NDST3: variants seen among roughly 807,000 people sequenced by gnomAD.
NDST3 encodes N-deacetylase and N-sulfotransferase 3.
A neutral mutation model predicts 96.1 loss-of-function variants in NDST3; 58 were observed. The observed-to-expected ratio is 0.60, with a 90% confidence interval of 0.49 to 0.75. NDST3 has a LOEUF of 0.75. Ranked by LOEUF, NDST3 falls within the 30% of genes least tolerant of loss-of-function variation. NDST3 has a pLI of 0.00. For synonymous variants in NDST3, 333 were observed against 359.7 expected (o/e 0.93, Z 0.84); for missense variants, 788 against 1,034.2 (o/e 0.76, Z 3.27).
intron 1 of NDST3, among the ~76,000 whole-genome samples, chr4:118,049,608 A>G (rs1724961653): frequency 6.6e-6 from 1 of 151,912 alleles, no homozygotes; most frequent in Admixed American, 6.6e-5. Flanking sequence ...TACTCACATG[A>G]ATTAGAAAAT....
intron 1 of NDST3, among the ~76,000 whole-genome samples, chr4:118,043,747 G>C (rs189970524): frequency 1.7e-3 from 265 of 152,332 alleles, no homozygotes; most frequent in Non-Finnish European, 3.3e-3. Flanking sequence ...GGAAGTAGCT[G>C]TCCTTGGATG....
chr4:118,111,142 A>G (rs374081419), intron 3 of NDST3, among the ~76,000 whole-genome samples: 1 of 152,270 alleles, frequency 6.6e-6, no homozygotes, highest in South Asian at 2.1e-4. Flanking sequence ...AGAGATGGCA[A>G]CAGTAGACAC....
At chr4:118,090,399 C>T (rs1728768882) in intron 2 of NDST3, among the ~76,000 whole-genome samples, 1 of 151,974 alleles carries the variant, frequency 6.6e-6, no homozygotes, top group South Asian at 2.1e-4. Context: ...TGGATTGCCC[C>T]ATCCTATCAA....
chr4:118,059,983 T>G (rs1337019989), intron 2 of NDST3, among the ~76,000 whole-genome samples: 1 of 152,154 alleles, frequency 6.6e-6, no homozygotes, highest in Non-Finnish European at 1.5e-5. Context: ...ATCCCATTAC[T>G]TCAAATTTGC....
chr4:118,061,985 T>G (rs1247008437), intron 2 of NDST3, among the ~76,000 whole-genome samples: 1 of 152,136 alleles, frequency 6.6e-6, no homozygotes, highest in Non-Finnish European at 1.5e-5. Flanking sequence ...CTGGATTGGT[T>G]ACAGGTTAGT....
At chr4:118,178,866 T>C (rs1377435615) in intron 6 of NDST3, among the ~76,000 whole-genome samples, 1 of 152,072 alleles carries the variant, frequency 6.6e-6, no homozygotes, top group African/African-American at 2.4e-5. Context: ...GCTTTGATAC[T>C]AGCTATCCTA....
chr4:118,130,152 T>A (rs1196949471), intron 4 of NDST3, among the ~76,000 whole-genome samples: 3 of 152,124 alleles, frequency 2.0e-5, no homozygotes, highest in Non-Finnish European at 4.4e-5. Flanking sequence ...CCACTCTGTG[T>A]CTTTTGATCA....
At chr4:118,224,405 G>A in intron 6 of NDST3, 86 bp from the exon 7 acceptor site, 1 of 1,298,542 alleles carries the variant, frequency 7.7e-7, no homozygotes, top group Non-Finnish European at 1.0e-6. Context: ...ACTACTTAAG[G>A]AAAAAAACTA....
intron 2 of NDST3, among the ~76,000 whole-genome samples, chr4:118,071,045 G>A (rs1727026618): frequency 6.6e-6 from 1 of 151,974 alleles, no homozygotes; most frequent in African/African-American, 2.4e-5. Flanking sequence ...CCCTAGAAAG[G>A]ACATGAACTT....
intron 6 of NDST3, among the ~76,000 whole-genome samples, chr4:118,223,738 C>A (rs1237217467): frequency 6.6e-6 from 1 of 151,934 alleles, no homozygotes; most frequent in Non-Finnish European, 1.5e-5. Context: ...TTATAGTAAA[C>A]CATTGTTACT....
intron 13 of NDST3, 33 bp from the exon 14 acceptor site, chr4:118,255,560 A>G: frequency 2.5e-6 from 4 of 1,579,952 alleles, no homozygotes; most frequent in Non-Finnish European, 3.4e-6. Context: ...TAAACAAAAT[A>G]AAATGTACTT....
intron 2 of NDST3, among the ~76,000 whole-genome samples, chr4:118,081,618 T>C (rs1370367224): frequency 1.3e-5 from 2 of 152,136 alleles, no homozygotes; most frequent in African/African-American, 4.8e-5. Context: ...GCAAAGGCTG[T>C]TATGGGCTCA....
intron 2 of NDST3, among the ~76,000 whole-genome samples, chr4:118,084,917 G>A (rs1578606650): frequency 2.6e-5 from 4 of 152,172 alleles, no homozygotes; most frequent in East Asian, 1.9e-4. Flanking sequence ...TCACGAGATC[G>A]AGACCATCCT....
rs1228743483 is a variant in NDST3, at chr4:118,182,077, A to G, written c.1539+38393A>G. Among the ~76,000 whole-genome samples, 4 of 152,168 alleles carry G rather than the reference A, an allele frequency of 2.6e-5. No individual in the cohort carries two copies. The East Asian group carries it at 7.7e-4, about 29-fold the overall frequency. On this transcript the variant is annotated intron_variant, in intron 6 of 13. Transcript: ENST00000296499. ...AGAAAAAGATTCAGACAATGCTTTGAGAGCTGGCAATAGTAGGTATGCTAG... is the reference window on the plus strand; with the variant it reads ...AGAAAAAGATTCAGACAATGCTTTGGGAGCTGGCAATAGTAGGTATGCTAG...
chr4:118,197,854 C>T lies in NDST3; in HGVS notation c.1540-26637C>T, dbSNP rs185305550. On this transcript the variant is annotated intron_variant, in intron 6 of 13. Coordinates refer to ENST00000296499, the MANE Select transcript of NDST3 (RefSeq NM_004784.3). ...CTCACTCTGTCACCAGGCTGGAGTA[C>T]GGTGGCACGATCTCGGCTTGCTGCA... Among the ~76,000 whole-genome samples, 716 of 144,226 alleles carry T rather than the reference C, an allele frequency of 5.0e-3. 5 individuals carry two copies. The highest frequency in any genetic ancestry group is 0.017 in the African/African-American group (676 of 38,926). 94.6% of individuals were successfully genotyped at this position (144,226 alleles called of 152,430 possible).
chr4:118,144,172 T>C (rs541327265), intron 6 of NDST3, among the ~76,000 whole-genome samples: 14 of 152,030 alleles, frequency 9.2e-5, no homozygotes, highest in Admixed American at 6.5e-4. Context: ...AGAGCAGGCC[T>C]ATTTAATGGG....
intron 1 of NDST3, among the ~76,000 whole-genome samples, chr4:118,038,200 T>C (rs1365847046): frequency 6.6e-6 from 1 of 152,164 alleles, no homozygotes; most frequent in Non-Finnish European, 1.5e-5. Context: ...TGTCAGCGTA[T>C]TTTGATGCAT....
At chr4:118,051,184 C>G (rs188327483) in intron 1 of NDST3, among the ~76,000 whole-genome samples, 15 of 152,266 alleles carry the variant, frequency 9.9e-5, no homozygotes, top group African/African-American at 3.1e-4. Context: ...AAGAATGAAA[C>G]TGGACCCTTA....
At chr4:118,221,026 T>C (rs943095205) in intron 6 of NDST3, among the ~76,000 whole-genome samples, 2 of 151,970 alleles carry the variant, frequency 1.3e-5, no homozygotes, top group African/African-American at 4.8e-5. Context: ...TCAAGACCAC[T>C]AGGGATTATT....
Sources: allele counts gnomAD v4.1 joint callset (sites outside exome capture counted in the v4.1 genomes callset), GRCh38; gene constraint gnomAD v4.1.1; transcripts MANE v1.5; gene names NCBI Gene and HGNC (gene_info 2026-07-23, HGNC 2026-07-21).